DCT: variants seen among roughly 807,000 people sequenced by gnomAD.
DCT encodes the protein dopachrome tautomerase, also known as L-dopachrome tautomerase.
DCT carries 47 observed loss-of-function variants against 53.0 expected under a neutral mutation model. That is an observed-to-expected ratio of 0.89 (90% CI 0.70 to 1.13). DCT has a LOEUF of 1.13. DCT is among the 50% of genes most tolerant of loss of function. The pLI is 0.00. For missense variants in DCT, 669 were observed against 637.4 expected (o/e 1.05, Z -0.53); for synonymous variants, 244 against 237.0 (o/e 1.03, Z -0.27).
At chr13:94,468,384 G>T (rs1056821166) in intron 2 of DCT, 7 of 214,122 alleles carry the variant, frequency 3.3e-5, no homozygotes, top group Non-Finnish European at 5.7e-5. Flanking sequence ...TGGAGAAAAG[G>T]TCAGAGAGGG....
Position 94,476,289 on chromosome 13 carries a change from A to G in DCT, c.295+2672T>C, listed in dbSNP as rs187222553. ...CATTTCCTTACCAAAGGGAAATAGC[A>G]ATGATCCCTTCTATTCTTTCTATCC... On this transcript the variant is annotated intron_variant, in intron 1 of 7. Coordinates refer to ENST00000377028, the MANE Select transcript of DCT (RefSeq NM_001922.5). Among the ~76,000 whole-genome samples, 559 of 149,372 alleles carry G rather than the reference A, an allele frequency of 3.7e-3. 3 individuals carry two copies. The highest frequency in any genetic ancestry group is 0.014 in the Middle Eastern group (4 of 280).
At chr13:94,518,935 A>G in the DCT span, among the ~76,000 whole-genome samples, 1 of 151,976 alleles carries the variant, frequency 6.6e-6, no homozygotes, top group Non-Finnish European at 1.5e-5. Flanking sequence ...CCTTATCTCA[A>G]TTCTTAGAAT....
chr13:94,542,006 T>C, the DCT span, among the ~76,000 whole-genome samples: 1 of 152,210 alleles, frequency 6.6e-6, no homozygotes, highest in South Asian at 2.1e-4. Context: ...ACCCATTTTC[T>C]AGGTAATTTT....
intron 4 of DCT, 65 bp downstream of exon 4, chr13:94,465,568 C>T (rs2139339667): frequency 6.8e-7 from 1 of 1,467,938 alleles, no homozygotes; most frequent in South Asian, 1.3e-5. Context: ...AGTGACTTCT[C>T]CTCCATGTCT....
intron 6 of DCT, among the ~76,000 whole-genome samples, chr13:94,449,539 G>A (rs1882950164): frequency 6.6e-6 from 1 of 152,178 alleles, no homozygotes; most frequent in Non-Finnish European, 1.5e-5. Flanking sequence ...GGTCCTCTGA[G>A]AGTCAGAACT....
intron 6 of DCT, chr13:94,452,671 C>A: frequency 4.0e-6 from 3 of 745,656 alleles, no homozygotes; most frequent in South Asian, 1.5e-5. Context: ...ACCTAAATGT[C>A]CATCAACAGA....
the DCT span, among the ~76,000 whole-genome samples, chr13:94,532,834 C>T: frequency 6.6e-6 from 1 of 152,192 alleles, no homozygotes; most frequent in African/African-American, 2.4e-5. Flanking sequence ...GGGGGCTCCA[C>T]AGCAAACTGC....
chr13:94,473,754 C>T (rs904526279), intron 1 of DCT, among the ~76,000 whole-genome samples: 1 of 152,172 alleles, frequency 6.6e-6, no homozygotes, highest in Non-Finnish European at 1.5e-5. Context: ...CTTTCAACAT[C>T]TGTGAAAAGA....
rs574331512 is a variant in DCT, at chr13:94,436,888, T to C, written c.*3010A>G. The C allele has an allele frequency of 1.3e-5, 2 of 152,354 alleles. No individual in the cohort carries two copies. The highest frequency in any genetic ancestry group is 4.1e-4 in the South Asian group (2 of 4,830). The allele number at this position is 152,354 out of a possible 1,614,324, so 9.4% of individuals were successfully genotyped here. On this transcript the variant is annotated 3_prime_UTR_variant, in exon 8 of 8. Transcript: ENST00000377028. ...AATACTCAGGATAAGTAAGGCACTATAGAAATAGGAAGAGCTTCAACCTTA... is the reference window on the plus strand; with the variant it reads ...AATACTCAGGATAAGTAAGGCACTACAGAAATAGGAAGAGCTTCAACCTTA...
At chr13:94,521,625 A>C in the DCT span, among the ~76,000 whole-genome samples, 16 of 152,350 alleles carry the variant, frequency 1.1e-4, no homozygotes, top group East Asian at 3.1e-3. Flanking sequence ...AGCTGAGATC[A>C]TGCCATTGCA....
At chr13:94,535,500 G>T in the DCT span, among the ~76,000 whole-genome samples, 1 of 152,176 alleles carries the variant, frequency 6.6e-6, no homozygotes, top group African/African-American at 2.4e-5. Flanking sequence ...GTCAGATAAG[G>T]ATGCTTCAAG....
the DCT span, among the ~76,000 whole-genome samples, chr13:94,518,493 A>T: frequency 3.9e-5 from 6 of 152,222 alleles, no homozygotes; most frequent in Non-Finnish European, 8.8e-5. Flanking sequence ...CCAGTTATTC[A>T]TGTCAGAATC....
chr13:94,456,658 G>C (rs1883431157), intron 6 of DCT, among the ~76,000 whole-genome samples: 1 of 152,118 alleles, frequency 6.6e-6, no homozygotes, highest in Non-Finnish European at 1.5e-5. Context: ...AATCTACTAA[G>C]AGTCACTTCA....
rs1242677774 is a variant in DCT, at chr13:94,437,824, TTCTC to T, written c.*2070_*2073del. 6.6e-6 allele frequency: 1 copy of T among 152,170 alleles called. No homozygotes were observed. The highest frequency in any genetic ancestry group is 2.4e-5 in the African/African-American group (1 of 41,444). 9.4% of individuals were successfully genotyped at this position (152,170 alleles called of 1,614,324 possible). The stretch of plus-strand genomic sequence containing the variant: ...TTATATGAACTACAAAATTAGGAAA[TTCTC>T]TCAGGAAGACATTATAAAACATAAT... On this transcript the variant is annotated 3_prime_UTR_variant, in exon 8 of 8. Transcript: ENST00000377028.
chr13:94,462,377 G>A (rs545687940), intron 4 of DCT, among the ~76,000 whole-genome samples, 188 bp from the exon 5 acceptor site: 18 of 151,918 alleles, frequency 1.2e-4, no homozygotes, highest in African/African-American at 4.3e-4. Flanking sequence ...GTGTGTGCCT[G>A]TTGTCCCAGC....
the DCT span, among the ~76,000 whole-genome samples, chr13:94,546,876 C>T: frequency 6.6e-6 from 1 of 152,024 alleles, no homozygotes; most frequent in African/African-American, 2.4e-5. This position sits in a 1 kb window ranked among gnomAD's most constrained non-coding sequence, Gnocchi z 4.2. Flanking sequence ...AGGAAGAATG[C>T]CTCAAGTGAG....
chr13:94,457,512 A>T (rs1021182557), intron 6 of DCT, among the ~76,000 whole-genome samples: 3 of 152,226 alleles, frequency 2.0e-5, no homozygotes, highest in South Asian at 4.1e-4. Context: ...TAAGCCATCC[A>T]ATCTGTGGTC....
At chr13:94,484,553 T>A (rs1265078034), upstream of DCT, among the ~76,000 whole-genome samples, 6 of 152,172 alleles carry the variant, frequency 3.9e-5, no homozygotes, top group Non-Finnish European at 7.3e-5. Flanking sequence ...AGAAATGTAC[T>A]TTCCCACAGT....
chr13:94,443,846 C>T (rs1002854198), intron 6 of DCT, among the ~76,000 whole-genome samples: 6 of 152,070 alleles, frequency 3.9e-5, no homozygotes, highest in Non-Finnish European at 7.4e-5. Context: ...ATCAAGATTT[C>T]GGGAAGAAAA....
Sources: allele counts gnomAD v4.1 joint callset (sites outside exome capture counted in the v4.1 genomes callset), GRCh38; gene constraint gnomAD v4.1.1; non-coding constraint Gnocchi (gnomAD v3.1); transcripts MANE v1.5; gene names NCBI Gene and HGNC (gene_info 2026-07-23, HGNC 2026-07-21).